CNTNAP3: variants seen among roughly 807,000 people sequenced by gnomAD.
The protein encoded by CNTNAP3 is contactin associated protein family member 3, also known as contactin-associated protein-like 3.
CNTNAP3 carries 36 observed loss-of-function variants against 92.1 expected under a neutral mutation model. That is an observed-to-expected ratio of 0.39 (90% CI 0.30 to 0.52). The LOEUF is 0.52. CNTNAP3 is among the 20% of genes least tolerant of loss of function. The pLI is 0.76. For missense variants in CNTNAP3, 534 were observed against 1,069.6 expected, an observed-to-expected ratio of 0.50 and a Z score of 6.98; for synonymous variants, 232 against 422.3, an observed-to-expected ratio of 0.55 and a Z score of 5.53.
intron 21 of CNTNAP3, among the ~76,000 whole-genome samples, chr9:39,080,039 A>G (rs1825894562): frequency 2.3e-5 from 3 of 133,104 alleles, no homozygotes; most frequent in African/African-American, 9.3e-5. Context: ...TTTCTCTTAC[A>G]TTTCTATTTT....
chr9:39,118,321 T>C, intron 13 of CNTNAP3, 62 bp from the exon 14 acceptor site: 3 of 1,604,398 alleles, frequency 1.9e-6, no homozygotes, highest in Non-Finnish European at 2.6e-6. Flanking sequence ...CCTCCCCATA[T>C]AGCTCCCTTT....
chr9:39,159,151 C>T lies in CNTNAP3; in HGVS notation c.1477+6782G>A, dbSNP rs910277196. The T allele has an allele frequency of 7.4e-5, 11 of 149,554 alleles. 1 individual carries two copies. The highest frequency in any genetic ancestry group is 2.5e-4 in the African/African-American group (10 of 40,814). The allele number at this position is 149,554 out of a possible 1,614,324, so 9.3% of individuals were successfully genotyped here. On this transcript the variant is annotated intron_variant, in intron 9 of 23. Coordinates refer to ENST00000297668, the MANE Select transcript of CNTNAP3 (RefSeq NM_033655.5). ...TCTCACACTTTCAGGTCAAAGGGGA[C>T]TTTGGAATCCATAGTGTACCTATGT... is the stretch of plus-strand genomic sequence containing the variant.
chr9:39,136,825 C>T (rs1353708152), intron 12 of CNTNAP3, among the ~76,000 whole-genome samples: 1 of 152,074 alleles, frequency 6.6e-6, no homozygotes, highest in African/African-American at 2.4e-5. Flanking sequence ...CACCTGAACC[C>T]AGTAGGCGGA....
intron 15 of CNTNAP3, among the ~76,000 whole-genome samples, chr9:39,104,676 A>G (rs10974142): frequency 0.18 from 27,975 of 151,892 alleles, 3,731 homozygotes; most frequent in African/African-American, 0.38. Flanking sequence ...GTCTTTTCTT[A>G]TCTTTTGTGT....
At chr9:39,137,960 A>G (rs867605509) in intron 12 of CNTNAP3, among the ~76,000 whole-genome samples, 22 of 149,202 alleles carry the variant, frequency 1.5e-4, no homozygotes, top group South Asian at 1.1e-3. Context: ...CCCAGGCTCA[A>G]GCGATCCTCC....
At chr9:39,127,529 T>G (rs947824390) in intron 13 of CNTNAP3, among the ~76,000 whole-genome samples, 3 of 152,082 alleles carry the variant, frequency 2.0e-5, no homozygotes, top group Non-Finnish European at 2.9e-5. Flanking sequence ...CTATCAAGAC[T>G]GACAGAGACA....
rs1169777636 is a variant in CNTNAP3, at chr9:39,140,507, T to C, written c.1876+12A>G. ...CTATTCTGATATATGCATATAACGA[T>C]TATCAACATACCTGTCATATTGCAG... On this transcript the variant is annotated intron_variant, in intron 12 of 23. Coordinates refer to ENST00000297668, the MANE Select transcript of CNTNAP3 (RefSeq NM_033655.5). 1.2e-6 allele frequency: 2 copies of C among 1,613,240 alleles called. No homozygotes were observed. Among genetic ancestry groups the C allele is most frequent in the Non-Finnish European group, 1.7e-6 (2 of 1,179,646 alleles).
intron 15 of CNTNAP3, 42 bp downstream of exon 15, chr9:39,109,118 A>T: frequency 6.3e-7 from 1 of 1,591,966 alleles, no homozygotes; most frequent in Non-Finnish European, 8.5e-7. Flanking sequence ...ATAACCAAAA[A>T]AAGTTATTAT....
intron 12 of CNTNAP3, among the ~76,000 whole-genome samples, chr9:39,139,108 G>C (rs1758282): frequency 6.6e-6 from 1 of 152,034 alleles, no homozygotes; most frequent in African/African-American, 2.4e-5. Flanking sequence ...TAGCGCAATG[G>C]GGCATCTAAA....
chr9:39,139,466 T>C (rs1378371249), intron 12 of CNTNAP3, among the ~76,000 whole-genome samples: 1 of 152,252 alleles, frequency 6.6e-6, no homozygotes, highest in Non-Finnish European at 1.5e-5. Context: ...AAAGTTTTAC[T>C]ACTTTTTGGC....
intron 13 of CNTNAP3, among the ~76,000 whole-genome samples, chr9:39,125,702 A>C (rs1028009453): frequency 6.6e-6 from 1 of 152,204 alleles, no homozygotes; most frequent in Non-Finnish European, 1.5e-5. Context: ...AGACAAAGCC[A>C]ACTGCAGAGC....
chr9:39,127,766 A>C (rs969024849), intron 13 of CNTNAP3, among the ~76,000 whole-genome samples: 3 of 152,186 alleles, frequency 2.0e-5, no homozygotes, highest in African/African-American at 7.2e-5. Context: ...TTGAATTCAT[A>C]ATTTAAAATT....
chr9:39,128,827 T>C (rs1344154939), intron 13 of CNTNAP3, among the ~76,000 whole-genome samples: 1 of 150,958 alleles, frequency 6.6e-6, no homozygotes, highest in African/African-American at 2.5e-5. Context: ...CTTATAAGAT[T>C]AGTATGAAAC....
Position 39,067,471 on chromosome 9 carries a change from C to A in CNTNAP3, c.*6419G>T, listed in dbSNP as rs1180071807. On this transcript the variant is annotated 3_prime_UTR_variant, in exon 24 of 24. Coordinates refer to ENST00000297668, the MANE Select transcript of CNTNAP3 (RefSeq NM_033655.5). ...GGAGTGCAATGGCGCAATCTCGGCCCACTGCAAACTCTGCCTCCCGGGTTC... is the reference window on the plus strand; with the variant it reads ...GGAGTGCAATGGCGCAATCTCGGCCAACTGCAAACTCTGCCTCCCGGGTTC... 5.2e-5 allele frequency among the ~76,000 whole-genome samples: 8 copies of A among 152,420 alleles called. No homozygotes were observed. The highest frequency in any genetic ancestry group is 1.9e-4 in the African/African-American group (8 of 41,600).
chr9:39,148,893 C>T (rs1455693763), intron 10 of CNTNAP3, among the ~76,000 whole-genome samples: 1 of 152,148 alleles, frequency 6.6e-6, no homozygotes, highest in Non-Finnish European at 1.5e-5. Flanking sequence ...ACCAAATGTA[C>T]TAGGGCAAAC....
At chr9:39,140,773 A>G in intron 11 of CNTNAP3, 135 bp from the exon 12 acceptor site, 2 of 1,269,096 alleles carry the variant, frequency 1.6e-6, no homozygotes, top group African/African-American at 1.5e-5. Context: ...GTATGACAGT[A>G]TATTTGATGA....
At chr9:39,162,868 T>C (rs889468491) in intron 9 of CNTNAP3, among the ~76,000 whole-genome samples, 2 of 144,012 alleles carry the variant, frequency 1.4e-5, no homozygotes, top group Admixed American at 6.9e-5. Context: ...CTAGGTACTA[T>C]GCTCATTACC....
chr9:39,130,493 T>TCC (rs1821255587), intron 13 of CNTNAP3, among the ~76,000 whole-genome samples: 4 of 146,520 alleles, frequency 2.7e-5, no homozygotes, highest in African/African-American at 1.0e-4. Context: ...ATAGGAGGAA[T>TCC]TCTTTTTTTT....
At position 39,161,691 on chromosome 9, in the gene CNTNAP3, AT is replaced by A. The variant is rs1563896442; in HGVS notation, c.1477+4241del. Among the ~76,000 whole-genome samples, 24 of 136,794 alleles carry A rather than the reference AT, an allele frequency of 1.8e-4. 1 individual carries two copies. The highest frequency in any genetic ancestry group is 4.7e-4 in the African/African-American group (17 of 35,918). 89.7% of individuals were successfully genotyped at this position (136,794 alleles called of 152,430 possible). On this transcript the variant is annotated intron_variant, in intron 9 of 23. Transcript: ENST00000297668. ...AATAATAATAATAATAATAATAATAATAATAAATTAGCTGGATGTGGTGGCA... is the reference window on the plus strand; with the variant it reads ...AATAATAATAATAATAATAATAATAAAATAAATTAGCTGGATGTGGTGGCA...
Sources: allele counts gnomAD v4.1 joint callset (sites outside exome capture counted in the v4.1 genomes callset), GRCh38; gene constraint gnomAD v4.1.1; transcripts MANE v1.5; gene names NCBI Gene and HGNC (gene_info 2026-07-23, HGNC 2026-07-21).